Variants in ZNF420 observed in about 807,000 individuals in gnomAD.
ZNF420 encodes zinc finger protein 420, also known as ATM and p53-associated KZNF protein.
In ZNF420, 31 loss-of-function variants were observed where a neutral mutation model predicts 44.7. The ratio of observed to expected loss-of-function variants is 0.69; its 90% confidence interval spans 0.52 to 0.94. ZNF420 has a LOEUF of 0.94. Ranked by LOEUF, ZNF420 falls within the 40% of genes least tolerant of loss-of-function variation. The probability of loss-of-function intolerance (pLI) is 0.00; values close to 1 mark genes in which losing one functional copy is unlikely to be tolerated. For synonymous variants in ZNF420, 245 were observed against 267.4 expected (o/e 0.92, Z 0.82); for missense variants, 681 against 827.9 (o/e 0.82, Z 2.18).
At chr19:37,114,284 G>A (rs1002668284) in intron 4 of ZNF420, among the ~76,000 whole-genome samples, 5 of 152,264 alleles carry the variant, frequency 3.3e-5, no homozygotes, top group African/African-American at 1.2e-4. Context: ...ATTCCTGGCT[G>A]TCCATACTGA....
chr19:37,060,059 G>C (rs1256475550), intron 1 of ZNF420, among the ~76,000 whole-genome samples: 1 of 152,054 alleles, frequency 6.6e-6, no homozygotes, highest in Non-Finnish European at 1.5e-5. Context: ...TCGTTTTCGC[G>C]GCGGTTGCAC....
chr19:37,095,818 C>T (rs773351798), intron 4 of ZNF420, among the ~76,000 whole-genome samples: 2 of 152,074 alleles, frequency 1.3e-5, no homozygotes, highest in African/African-American at 2.4e-5. Flanking sequence ...AGGCTGGTCT[C>T]GAACTCCTGA....
chr19:37,085,218 T>G (rs1049309130), intron 2 of ZNF420, among the ~76,000 whole-genome samples: 15 of 152,218 alleles, frequency 9.9e-5, no homozygotes, highest in African/African-American at 3.4e-4. Context: ...TATTTAGAAG[T>G]ATGTTTAATT....
At chr19:37,085,655 T>G (rs567310999) in intron 2 of ZNF420, among the ~76,000 whole-genome samples, 10 of 152,342 alleles carry the variant, frequency 6.6e-5, no homozygotes, top group Admixed American at 5.9e-4. Context: ...GAGGACATCC[T>G]AATCTAGGGG....
At chr19:37,088,002 T>C (rs1258494956) in intron 2 of ZNF420, among the ~76,000 whole-genome samples, 1 of 152,150 alleles carries the variant, frequency 6.6e-6, no homozygotes, top group Non-Finnish European at 1.5e-5. Context: ...TACCCAACTT[T>C]TTCTGTAAAG....
At chr19:37,116,231 A>C (rs769128234) in intron 4 of ZNF420, among the ~76,000 whole-genome samples, 31 of 152,008 alleles carry the variant, frequency 2.0e-4, no homozygotes, top group Non-Finnish European at 4.0e-4. Context: ...TTAGCCAGGC[A>C]TGATGGCACA....
chr19:37,044,523 ATAAT>A (rs1216489785), intron 1 of ZNF420, among the ~76,000 whole-genome samples: 3 of 152,142 alleles, frequency 2.0e-5, no homozygotes, highest in South Asian at 2.1e-4. Flanking sequence ...AGATTTGAAA[ATAAT>A]TAATCCTAAA....
At chr19:37,093,482 G>A (rs889123207) in intron 4 of ZNF420, among the ~76,000 whole-genome samples, 4 of 152,070 alleles carry the variant, frequency 2.6e-5, no homozygotes, top group African/African-American at 7.2e-5. Context: ...CCCTCCCAAA[G>A]TGCTGAGACT....
At chr19:37,085,176 C>T (rs912937705) in intron 2 of ZNF420, among the ~76,000 whole-genome samples, 3 of 152,060 alleles carry the variant, frequency 2.0e-5, no homozygotes, top group Admixed American at 6.5e-5. Context: ...TCACTCAGTT[C>T]GGCATATTTT....
chr19:37,032,955 G>A (rs1041164323), intron 1 of ZNF420, among the ~76,000 whole-genome samples: 1 of 152,156 alleles, frequency 6.6e-6, no homozygotes, highest in Non-Finnish European at 1.5e-5. Flanking sequence ...GGTGGATATA[G>A]GAAGAGAATT....
chr19:37,047,688 A>G (rs1057492486), intron 1 of ZNF420, among the ~76,000 whole-genome samples: 5 of 152,150 alleles, frequency 3.3e-5, no homozygotes. Context: ...TTGCAAGTGT[A>G]TTCTTAGGTA....
At chr19:37,097,895 A>C (rs1043134259) in intron 4 of ZNF420, among the ~76,000 whole-genome samples, 6 of 152,188 alleles carry the variant, frequency 3.9e-5, no homozygotes, top group Non-Finnish European at 7.3e-5. Flanking sequence ...AGTTAATTTA[A>C]CTTTGTAAAA....
At chr19:37,037,161 T>C (rs367709477) in intron 1 of ZNF420, among the ~76,000 whole-genome samples, 159 of 152,282 alleles carry the variant, frequency 1.0e-3, no homozygotes, top group African/African-American at 3.5e-3. Context: ...GTTTGCGCTT[T>C]GAAATAAACC....
intron 1 of ZNF420, among the ~76,000 whole-genome samples, chr19:37,048,156 G>A (rs200713822): frequency 6.9e-6 from 1 of 144,028 alleles, no homozygotes; most frequent in Non-Finnish European, 1.5e-5. Flanking sequence ...TGTGGTGCAA[G>A]AGCAGACCTA....
intron 1 of ZNF420, among the ~76,000 whole-genome samples, chr19:37,034,405 A>G (rs1967316639): frequency 6.6e-6 from 1 of 152,176 alleles, no homozygotes; most frequent in African/African-American, 2.4e-5. Flanking sequence ...TATTCTGGAT[A>G]TCGATCACTT....
At chr19:37,082,773 T>A (rs1407805985) in intron 2 of ZNF420, among the ~76,000 whole-genome samples, 1 of 152,216 alleles carries the variant, frequency 6.6e-6, no homozygotes, top group Non-Finnish European at 1.5e-5. Flanking sequence ...CAATAACACT[T>A]CTCGTATGGT....
At chr19:37,120,509 C>T (rs1475135658) in intron 4 of ZNF420, among the ~76,000 whole-genome samples, 2 of 152,102 alleles carry the variant, frequency 1.3e-5, no homozygotes, top group African/African-American at 4.8e-5. Flanking sequence ...AAACCCACAG[C>T]CAATATCATA....
intron 4 of ZNF420, among the ~76,000 whole-genome samples, chr19:37,125,256 AT>A (rs1971284744): frequency 6.6e-6 from 1 of 152,342 alleles, no homozygotes; most frequent in African/African-American, 2.4e-5. Context: ...AACACACAGA[AT>A]TGTCCTTGAA....
chr19:37,045,737 G>A (rs540198598), intron 1 of ZNF420, among the ~76,000 whole-genome samples: 220 of 152,324 alleles, frequency 1.4e-3, no homozygotes, highest in Non-Finnish European at 2.2e-4. Flanking sequence ...GCCAAGAACA[G>A]TGAGTTTCTC....
Sources: allele counts gnomAD v4.1 joint callset (sites outside exome capture counted in the v4.1 genomes callset), GRCh38; gene constraint gnomAD v4.1.1; transcripts MANE v1.5; gene names NCBI Gene and HGNC (gene_info 2026-07-23, HGNC 2026-07-21).